The following COMMD1 variants were observed in gnomAD, a reference collection of about 807,000 sequenced individuals.
The protein encoded by COMMD1 is COMM domain-containing protein 1.
A neutral mutation model predicts 17.2 loss-of-function variants in COMMD1; 10 were observed. The observed-to-expected ratio is 0.58, with a 90% CI of 0.36 to 0.99. COMMD1 has a LOEUF of 0.99. Among genes scored for constraint, COMMD1 ranks in the 50% least tolerant of loss-of-function variants. The pLI is 0.01. For synonymous variants in COMMD1, 97 were observed against 91.6 expected (o/e 1.06, Z -0.34); for missense variants, 270 against 231.8 (o/e 1.17, Z -1.07).
At chr2:61,888,574 G>A, upstream of COMMD1, 5 of 1,563,592 alleles carry the variant, frequency 3.2e-6, no homozygotes, top group Non-Finnish European at 4.3e-6. Flanking sequence ...GCCGGCCGCA[G>A]TGTAATAACG....
At chr2:61,915,066 A>C (rs1331201307) in intron 1 of COMMD1, among the ~76,000 whole-genome samples, 1 of 145,972 alleles carries the variant, frequency 6.9e-6, no homozygotes, top group Non-Finnish European at 1.5e-5. Flanking sequence ...GTGCAATGGC[A>C]TGATCTCGGC....
chr2:62,035,637 G>A (rs760288827), intron 2 of COMMD1, among the ~76,000 whole-genome samples: 20 of 151,894 alleles, frequency 1.3e-4, no homozygotes, highest in Non-Finnish European at 2.8e-4. Context: ...TACTTGGGAG[G>A]CTTGGGTGGG....
intron 2 of COMMD1, among the ~76,000 whole-genome samples, chr2:62,131,611 T>C (rs1392836579): frequency 6.6e-6 from 1 of 152,130 alleles, no homozygotes; most frequent in African/African-American, 2.4e-5. Flanking sequence ...GGCATGATCT[T>C]GGCTCACTGC....
intron 1 of COMMD1, among the ~76,000 whole-genome samples, chr2:61,955,648 T>C (rs1024870483): frequency 6.6e-6 from 1 of 152,174 alleles, no homozygotes; most frequent in Admixed American, 6.5e-5. Flanking sequence ...TTTGTGTGTG[T>C]GTGAATTACA....
At chr2:62,080,672 T>C (rs912269745) in intron 2 of COMMD1, among the ~76,000 whole-genome samples, 6 of 152,246 alleles carry the variant, frequency 3.9e-5, no homozygotes, top group Middle Eastern at 3.4e-3. Flanking sequence ...TACAAAAATA[T>C]ACAAAACTTA....
At chr2:62,009,578 T>C (rs1669221935) in intron 2 of COMMD1, among the ~76,000 whole-genome samples, 1 of 145,312 alleles carries the variant, frequency 6.9e-6, no homozygotes, top group Non-Finnish European at 1.5e-5. Context: ...TACTCCAGCC[T>C]GGGCAACAGA....
chr2:62,036,187 C>G (rs1670035277), intron 2 of COMMD1, among the ~76,000 whole-genome samples: 1 of 151,786 alleles, frequency 6.6e-6, no homozygotes, highest in South Asian at 2.1e-4. Context: ...GTTTAGTAAA[C>G]AAAGATAAAC....
At chr2:61,916,450 C>A (rs980499235) in intron 1 of COMMD1, among the ~76,000 whole-genome samples, 1 of 152,084 alleles carries the variant, frequency 6.6e-6, no homozygotes, top group African/African-American at 2.4e-5. Context: ...AAGATGAGGT[C>A]AAGCTCTGTT....
chr2:61,957,603 G>T (rs1334197692), intron 1 of COMMD1, among the ~76,000 whole-genome samples: 1 of 152,020 alleles, frequency 6.6e-6, no homozygotes, highest in Non-Finnish European at 1.5e-5. Context: ...AAAAAATTAT[G>T]TGGCAATAGT....
intron 1 of COMMD1, among the ~76,000 whole-genome samples, chr2:61,944,069 G>GAAAAT (rs1404550470): frequency 6.6e-6 from 1 of 152,152 alleles, no homozygotes; most frequent in Non-Finnish European, 1.5e-5. Flanking sequence ...TGTCATCTAT[G>GAAAAT]AAAATGATAG....
At chr2:62,105,297 A>G (rs907691161) in intron 2 of COMMD1, among the ~76,000 whole-genome samples, 3 of 151,994 alleles carry the variant, frequency 2.0e-5, no homozygotes, top group African/African-American at 7.3e-5. Flanking sequence ...CTTGTCTGTC[A>G]CCTTCCTTGC....
intron 2 of COMMD1, among the ~76,000 whole-genome samples, chr2:62,038,782 C>T (rs185430238): frequency 6.6e-5 from 10 of 152,216 alleles, no homozygotes; most frequent in Admixed American, 5.9e-4. Context: ...CTCCTGACCT[C>T]AAGTGATTTG....
intron 1 of COMMD1, among the ~76,000 whole-genome samples, chr2:61,921,615 T>C (rs1670199274): frequency 6.6e-6 from 1 of 152,140 alleles, no homozygotes; most frequent in African/African-American, 2.4e-5. Context: ...AGCTAATTTT[T>C]TGTATTTTTA....
At chr2:61,928,083 G>T (rs1670374369) in intron 1 of COMMD1, among the ~76,000 whole-genome samples, 1 of 151,656 alleles carries the variant, frequency 6.6e-6, no homozygotes, top group Admixed American at 6.6e-5. Context: ...TTTTCTTAAA[G>T]ACCAGTGTGA....
At chr2:61,971,338 G>C (rs886218610) in intron 1 of COMMD1, among the ~76,000 whole-genome samples, 3 of 152,124 alleles carry the variant, frequency 2.0e-5, no homozygotes, top group South Asian at 4.1e-4. Context: ...ACTAATCCCG[G>C]TTGGCTAAAC....
chr2:62,135,002 T>C (rs1673152364), intron 2 of COMMD1, among the ~76,000 whole-genome samples: 1 of 152,196 alleles, frequency 6.6e-6, no homozygotes, highest in Non-Finnish European at 1.5e-5. Context: ...TAAATCCAAG[T>C]TAGCTCACTT....
chr2:62,023,341 T>TG (rs768941464), intron 2 of COMMD1, among the ~76,000 whole-genome samples: 2 of 152,078 alleles, frequency 1.3e-5, no homozygotes, highest in African/African-American at 2.4e-5. Context: ...TAACACTGTA[T>TG]GTAAACATTT....
At chr2:62,041,826 T>G (rs2103896941) in intron 2 of COMMD1, among the ~76,000 whole-genome samples, 1 of 152,320 alleles carries the variant, frequency 6.6e-6, no homozygotes, top group African/African-American at 2.4e-5. Context: ...GTGGTCTCGC[T>G]GGCTTCAGGA....
intron 2 of COMMD1, among the ~76,000 whole-genome samples, chr2:62,116,004 G>A (rs1482977800): frequency 2.0e-5 from 3 of 151,476 alleles, no homozygotes; most frequent in South Asian, 2.1e-4. Flanking sequence ...GAGGCACCAC[G>A]CCCAGCTAAT....
Sources: allele counts gnomAD v4.1 joint callset (sites outside exome capture counted in the v4.1 genomes callset), GRCh38; gene constraint gnomAD v4.1.1; transcripts MANE v1.5; gene names NCBI Gene and HGNC (gene_info 2026-07-23, HGNC 2026-07-21).